C3: variants seen among roughly 807,000 people sequenced by gnomAD.
C3 encodes the protein C3 and PZP-like alpha-2-macroglobulin domain-containing protein 1.
In C3, 97 loss-of-function variants were observed where a neutral mutation model predicts 207.9. The ratio of observed to expected loss-of-function variants is 0.47; its 90% CI spans 0.40 to 0.55. The LOEUF is 0.55. Ranked by LOEUF, C3 falls within the 20% of genes least tolerant of loss-of-function variation. C3 has a pLI of 0.00. For missense variants in C3, 1,684 were observed against 2,171.7 expected, an observed-to-expected ratio of 0.78 and a Z score of 4.46; for synonymous variants, 848 against 857.6, an observed-to-expected ratio of 0.99 and a Z score of 0.20.
Position 6,720,638 on chromosome 19 carries a change from G to A in C3, c.-49C>T, listed in dbSNP as rs1296233246. ...GAGGGACAGAGGGACAGAGGGAGAG[G>A]ATGGGGAGGAGTGAGCAGCGCCTGC... is the stretch of plus-strand genomic sequence containing the variant. On this transcript the variant is annotated 5_prime_UTR_variant, in exon 1 of 41. Transcript: ENST00000245907. 1 of 1,436,756 alleles carries A rather than the reference G, an allele frequency of 7.0e-7. No individual in the cohort carries two copies. The highest frequency in any genetic ancestry group is 1.2e-5 in the South Asian group (1 of 81,558). The allele number at this position is 1,436,756 out of a possible 1,614,324, so 89.0% of individuals were successfully genotyped here.
chr19:6,694,375 G>C, intron 24 of C3, 56 bp downstream of exon 24: 1 of 1,498,708 alleles, frequency 6.7e-7, no homozygotes, highest in South Asian at 1.1e-5. Context: ...GATCTTAGGG[G>C]AGGGATGCGC....
chr19:6,710,114 TGA>T (rs1156748186), intron 13 of C3, among the ~76,000 whole-genome samples: 3 of 44,188 alleles, frequency 6.8e-5, no homozygotes, highest in Non-Finnish European at 9.9e-5. Context: ...AGAGGGAGAG[TGA>T]GGGGGGAGAG....
At chr19:6,698,676 T>TC (rs1568218086) in intron 19 of C3, among the ~76,000 whole-genome samples, 1 of 152,106 alleles carries the variant, frequency 6.6e-6, no homozygotes, top group Non-Finnish European at 1.5e-5. Context: ...ACCACTGTGC[T>TC]CCAGCCTGGG....
intron 9 of C3, 46 bp downstream of exon 9, chr19:6,713,143 C>A (rs774286375): frequency 1.2e-6 from 2 of 1,611,144 alleles, no homozygotes; most frequent in Admixed American, 3.3e-5. Context: ...CCTCTCAGAC[C>A]GGCCCACTTG....
Position 6,697,709 on chromosome 19 carries a change from G to T in C3, c.2526C>A (p.Asn842Lys). 1 of 1,614,038 alleles carries T rather than the reference G, an allele frequency of 6.2e-7. No homozygotes were observed. Residue 842 changes from asparagine to lysine, a missense_variant, in exon 20 of 41, where the codon AAC (asparagine) becomes AAA (lysine). Asn to Lys is a moderately conservative substitution (Grantham distance 94, BLOSUM62 0). Coordinates refer to ENST00000245907, the MANE Select transcript of C3 (RefSeq NM_000064.4). Reference sequence around the variant, plus strand: ...GAACGGCTCGGATTTCCACCTGCTCGTTTCGAACAACAGAGTAGGGTAGCC... The same window carrying T: ...GAACGGCTCGGATTTCCACCTGCTCTTTTCGAACAACAGAGTAGGGTAGCC... The part of the protein sequence containing the change: ...DLRLPYSVVR[N>K]EQVEIRAVLY...
At chr19:6,686,481 G>A in intron 28 of C3, 194 bp from the exon 29 acceptor site, 1 of 716,064 alleles carries the variant, frequency 1.4e-6, no homozygotes, top group Non-Finnish European at 2.5e-6. Flanking sequence ...CCTTTGAAAT[G>A]AATGCTTAAT....
intron 14 of C3, among the ~76,000 whole-genome samples, chr19:6,708,542 C>T (rs1158111568): frequency 2.0e-5 from 3 of 149,882 alleles, no homozygotes; most frequent in African/African-American, 7.4e-5. Flanking sequence ...CTTTGCTCCC[C>T]CTTTCCTTCC....
At chr19:6,709,614 C>CA in intron 14 of C3, 70 bp downstream of exon 14, 1 of 1,016,376 alleles carries the variant, frequency 9.8e-7, no homozygotes, top group Admixed American at 1.7e-5. Flanking sequence ...TCTCCAGTCC[C>CA]ACCCACCTCC....
At chr19:6,709,397 G>A (rs575018194) in intron 14 of C3, among the ~76,000 whole-genome samples, 102 of 152,202 alleles carry the variant, frequency 6.7e-4, no homozygotes, top group South Asian at 1.2e-3. Context: ...GCAGTGAGCC[G>A]AGATTGTGCC....
intron 17 of C3, among the ~76,000 whole-genome samples, chr19:6,704,296 A>G (rs1967729427): frequency 6.6e-6 from 1 of 152,170 alleles, no homozygotes; most frequent in South Asian, 2.1e-4. Flanking sequence ...CTAAATAAAT[A>G]TATAAATAAA....
intron 23 of C3, among the ~76,000 whole-genome samples, chr19:6,695,003 G>T (rs951733210): frequency 3.3e-5 from 5 of 152,162 alleles, no homozygotes; most frequent in African/African-American, 1.2e-4. Context: ...GGGCGCCGTG[G>T]CTGAAGCCTG....
At chr19:6,702,257 G>A (rs755182352) in intron 18 of C3, 45 bp from the exon 19 acceptor site, 4 of 1,238,706 alleles carry the variant, frequency 3.2e-6, no homozygotes, top group African/African-American at 1.5e-5. Flanking sequence ...TCATCTAGCA[G>A]GGTGGTAGAG....
At chr19:6,696,292 C>T (rs551406183) in intron 23 of C3, 87 bp downstream of exon 23, 5 of 771,696 alleles carry the variant, frequency 6.5e-6, no homozygotes, top group South Asian at 5.8e-5. Context: ...GAGAAAGGTG[C>T]GGGTTAAACA....
chr19:6,698,409 T>C (rs1967585467), intron 19 of C3, among the ~76,000 whole-genome samples: 1 of 152,092 alleles, frequency 6.6e-6, no homozygotes, highest in East Asian at 1.9e-4. Flanking sequence ...TATATCTGCT[T>C]GTCTGATATG....
chr19:6,681,903 C>T (rs775353799), intron 35 of C3, 38 bp downstream of exon 35: 7 of 1,494,844 alleles, frequency 4.7e-6, no homozygotes, highest in Middle Eastern at 2.0e-4. Context: ...GTCAGGGTGC[C>T]CCTGGAAGCC....
At chr19:6,713,535 A>G (rs1397231116) in intron 7 of C3, 26 bp from the exon 8 acceptor site, 4 of 1,549,450 alleles carry the variant, frequency 2.6e-6, no homozygotes, top group Non-Finnish European at 3.6e-6. Flanking sequence ...GGAGGGCTTC[A>G]GGTCCATCCC....
At chr19:6,693,375 G>A (rs1263308999) in intron 25 of C3, 37 bp downstream of exon 25, 1 of 1,575,852 alleles carries the variant, frequency 6.3e-7, no homozygotes, top group East Asian at 2.3e-5. Context: ...TTGAGGGTGG[G>A]GAGTATGCAT....
chr19:6,698,191 A>G (rs1967580911), intron 19 of C3, among the ~76,000 whole-genome samples: 1 of 151,672 alleles, frequency 6.6e-6, no homozygotes, highest in African/African-American at 2.4e-5. Flanking sequence ...TAATTTTTGT[A>G]TATTTAGTAG....
At chr19:6,693,361 G>C (rs1336688894) in intron 25 of C3, 51 bp downstream of exon 25, 11 of 1,541,200 alleles carry the variant, frequency 7.1e-6, no homozygotes, top group Non-Finnish European at 7.9e-6. Context: ...GGCCCTGCTG[G>C]GGGTTGAGGG....
Sources: allele counts gnomAD v4.1 joint callset (sites outside exome capture counted in the v4.1 genomes callset), GRCh38; gene constraint gnomAD v4.1.1; transcripts MANE v1.5; gene names NCBI Gene and HGNC (gene_info 2026-07-23, HGNC 2026-07-21).